The following KCNMA1 variants were observed in gnomAD, a reference collection of about 807,000 sequenced individuals.
KCNMA1 encodes Calcium-activated potassium channel subunit alpha-1.
KCNMA1 carries 29 observed loss-of-function variants against 140.0 expected under a neutral mutation model. The observed-to-expected ratio is 0.21, with a 90% CI of 0.15 to 0.28. KCNMA1 has a LOEUF of 0.28. Among genes scored for constraint, KCNMA1 ranks in the 10% least tolerant of loss-of-function variants. KCNMA1 has a pLI of 1.00. For synonymous variants in KCNMA1, 612 were observed against 611.9 expected (o/e 1.00, Z 0.00); for missense variants, 880 against 1,602.2 (o/e 0.55, Z 7.70).
chr10:77,227,878 A>G (rs558734986), intron 3 of KCNMA1, among the ~76,000 whole-genome samples: 16 of 152,060 alleles, frequency 1.1e-4, no homozygotes, highest in Admixed American at 2.0e-4. Flanking sequence ...TAATACTGCT[A>G]CCTACCCTGT....
chr10:77,575,286 G>A (rs989054077), intron 1 of KCNMA1, among the ~76,000 whole-genome samples: 4 of 152,182 alleles, frequency 2.6e-5, no homozygotes, highest in Non-Finnish European at 5.9e-5. Context: ...AAGCAGTGGT[G>A]GCAGAGGCTG....
chr10:77,423,751 G>T (rs1003277938), intron 1 of KCNMA1, among the ~76,000 whole-genome samples: 1 of 152,148 alleles, frequency 6.6e-6, no homozygotes, highest in Non-Finnish European at 1.5e-5. Flanking sequence ...ACAAAGCCAC[G>T]CTTTCTGCTG....
intron 3 of KCNMA1, among the ~76,000 whole-genome samples, chr10:77,204,567 T>C (rs1242401528): frequency 2.0e-5 from 3 of 152,144 alleles, no homozygotes; most frequent in Admixed American, 6.5e-5. Context: ...GTAAACATTA[T>C]AAAATTAATC....
chr10:77,180,454 C>A (rs1267373331), intron 5 of KCNMA1, among the ~76,000 whole-genome samples: 1 of 152,176 alleles, frequency 6.6e-6, no homozygotes, highest in African/African-American at 2.4e-5. Context: ...ACCAAAGAAC[C>A]TAAAGCATTT....
intron 1 of KCNMA1, among the ~76,000 whole-genome samples, chr10:77,591,850 A>G (rs2079275939): frequency 6.6e-6 from 1 of 152,202 alleles, no homozygotes. Context: ...AGATACCACC[A>G]TCAGGTTACA....
chr10:77,037,785 A>G (rs923455066), intron 15 of KCNMA1, among the ~76,000 whole-genome samples: 4 of 152,176 alleles, frequency 2.6e-5, no homozygotes, highest in Non-Finnish European at 4.4e-5. Flanking sequence ...TTGCCTTTTT[A>G]TAAAACTAGC....
At chr10:77,368,435 C>A (rs1282092921) in intron 2 of KCNMA1, among the ~76,000 whole-genome samples, 1 of 152,194 alleles carries the variant, frequency 6.6e-6, no homozygotes, top group African/African-American at 2.4e-5. Context: ...TATATCCTGG[C>A]TATAAAGCCT....
At chr10:77,155,940 A>G (rs770079008) in intron 5 of KCNMA1, among the ~76,000 whole-genome samples, 52 of 152,190 alleles carry the variant, frequency 3.4e-4, no homozygotes, top group Admixed American at 1.3e-4. Flanking sequence ...ATTAAAAAAC[A>G]AAGTTGGCCG....
At chr10:77,592,781 A>G (rs567293468) in intron 1 of KCNMA1, among the ~76,000 whole-genome samples, 8 of 152,306 alleles carry the variant, frequency 5.3e-5, no homozygotes, top group Admixed American at 1.3e-4. Context: ...AACACTTACA[A>G]TAATGCTGGA....
chr10:76,880,567 A>G (rs897777130), downstream of KCNMA1, among the ~76,000 whole-genome samples: 11 of 152,246 alleles, frequency 7.2e-5, no homozygotes, highest in Non-Finnish European at 1.5e-5. Context: ...AAGGTATTTT[A>G]CGAACAGATT....
chr10:77,294,545 C>T (rs914038706), intron 2 of KCNMA1, among the ~76,000 whole-genome samples: 1 of 152,230 alleles, frequency 6.6e-6, no homozygotes, highest in African/African-American at 2.4e-5. Context: ...CCCATAGATA[C>T]ACTGGCACAT....
chr10:77,576,009 G>C (rs2073953158), intron 1 of KCNMA1, among the ~76,000 whole-genome samples: 1 of 152,204 alleles, frequency 6.6e-6, no homozygotes, highest in African/African-American at 2.4e-5. Context: ...TCTAGCCTTA[G>C]GCTTCTCAGC....
intron 1 of KCNMA1, among the ~76,000 whole-genome samples, chr10:77,556,116 C>T (rs1236493216): frequency 2.0e-5 from 3 of 152,168 alleles, no homozygotes; most frequent in Non-Finnish European, 4.4e-5. Context: ...CAGTTACCAT[C>T]AGAGGAACCA....
chr10:77,234,891 T>C (rs2054858370), intron 3 of KCNMA1, among the ~76,000 whole-genome samples: 1 of 152,230 alleles, frequency 6.6e-6, no homozygotes. Context: ...AGGAATTTTC[T>C]TCCTGTTCAA....
At chr10:76,985,299 C>T (rs2080945326) in intron 19 of KCNMA1, among the ~76,000 whole-genome samples, 1 of 152,168 alleles carries the variant, frequency 6.6e-6, no homozygotes, top group Admixed American at 6.5e-5. Context: ...TTTGCTCTAA[C>T]AACGTGTTAT....
chr10:77,392,847 C>A (rs1178995335), intron 2 of KCNMA1, among the ~76,000 whole-genome samples: 2 of 152,210 alleles, frequency 1.3e-5, no homozygotes, highest in African/African-American at 2.4e-5. Context: ...ACCAGCCTGT[C>A]CCTGCCCTGT....
At chr10:77,079,996 C>T (rs746533935) in intron 12 of KCNMA1, among the ~76,000 whole-genome samples, 10 of 152,176 alleles carry the variant, frequency 6.6e-5, no homozygotes, top group Non-Finnish European at 5.9e-5. Flanking sequence ...TGGATGAATT[C>T]CAGTCCCAGT....
chr10:77,531,021 C>T (rs1224425837), intron 1 of KCNMA1, among the ~76,000 whole-genome samples: 2 of 152,210 alleles, frequency 1.3e-5, no homozygotes, highest in East Asian at 3.9e-4. Flanking sequence ...ACAGCAGTAG[C>T]TCACTTAGTC....
chr10:76,985,736 CTG>C (rs903354133), intron 19 of KCNMA1, among the ~76,000 whole-genome samples: 15 of 152,138 alleles, frequency 9.9e-5, no homozygotes, highest in Admixed American at 9.2e-4. Flanking sequence ...GCAAAGGAAA[CTG>C]TGAAATAAAT....
Sources: gnomAD v4.1 joint callset for allele counts (sites outside exome capture counted in the v4.1 genomes callset) on GRCh38, gnomAD v4.1.1 for gene constraint, MANE v1.5 for transcripts, NCBI Gene and HGNC (gene_info 2026-07-23, HGNC 2026-07-21) for gene names.